The following NELL1 variants were observed in gnomAD, a reference collection of about 807,000 sequenced individuals.
The protein encoded by NELL1 is protein kinase C-binding protein NELL1.
NELL1 carries 76 observed loss-of-function variants against 107.4 expected under a neutral mutation model. That is an observed-to-expected ratio of 0.71 (90% confidence interval 0.59 to 0.86). The LOEUF (loss-of-function observed/expected upper bound fraction) is 0.86, where lower values mean the gene tolerates loss of function less well. Among genes scored for constraint, NELL1 ranks in the 40% least tolerant of loss-of-function variants. The probability of loss-of-function intolerance (pLI) is 0.00; values close to 1 mark genes in which losing one functional copy is unlikely to be tolerated. For missense variants in NELL1, 1,024 were observed against 1,005.5 expected, an observed-to-expected ratio of 1.02 and a Z score of -0.25; for synonymous variants, 353 against 341.2, an observed-to-expected ratio of 1.03 and a Z score of -0.38.
chr11:20,768,766 G>A (rs1354346997), intron 2 of NELL1, among the ~76,000 whole-genome samples: 1 of 152,096 alleles, frequency 6.6e-6, no homozygotes, highest in Non-Finnish European at 1.5e-5. Context: ...ACGACCCAAG[G>A]GAAGCTGAAA....
At chr11:21,273,538 A>C (rs1235000862) in intron 14 of NELL1, among the ~76,000 whole-genome samples, 2 of 152,236 alleles carry the variant, frequency 1.3e-5, no homozygotes, top group East Asian at 3.8e-4. Context: ...ATTCAAATTC[A>C]GGAAAGACAG....
intron 14 of NELL1, among the ~76,000 whole-genome samples, chr11:21,301,512 T>C (rs890709619): frequency 5.9e-5 from 9 of 152,226 alleles, no homozygotes; most frequent in Admixed American, 5.9e-4. Context: ...TGAGCATTTT[T>C]TCATGTGTCT....
At chr11:21,441,406 C>G (rs1285103196) in intron 15 of NELL1, among the ~76,000 whole-genome samples, 1 of 147,536 alleles carries the variant, frequency 6.8e-6, no homozygotes, top group Non-Finnish European at 1.5e-5. Flanking sequence ...ATGTTCCGAA[C>G]TGTCTTTTGA....
intron 7 of NELL1, among the ~76,000 whole-genome samples, chr11:20,921,494 T>G (rs1850375255): frequency 6.6e-6 from 1 of 152,070 alleles, no homozygotes; most frequent in African/African-American, 2.4e-5. Context: ...GAAAGTTGAA[T>G]CATGGCTGAG....
chr11:21,347,284 A>G (rs1043142748), intron 14 of NELL1, among the ~76,000 whole-genome samples: 1 of 152,106 alleles, frequency 6.6e-6, no homozygotes, highest in Non-Finnish European at 1.5e-5. Flanking sequence ...TAAAGTGGAA[A>G]AGAGTTTGGC....
At chr11:21,015,202 A>G (rs1435161572) in intron 12 of NELL1, among the ~76,000 whole-genome samples, 1 of 152,066 alleles carries the variant, frequency 6.6e-6, no homozygotes, top group Non-Finnish European at 1.5e-5. Context: ...TGATGAATAT[A>G]TTAGTTTCAT....
At chr11:20,779,278 A>G (rs1162251204) in intron 2 of NELL1, among the ~76,000 whole-genome samples, 1 of 152,226 alleles carries the variant, frequency 6.6e-6, no homozygotes, top group Non-Finnish European at 1.5e-5. Context: ...CATGATACGC[A>G]CATTATGACT....
chr11:21,349,138 T>G (rs1270079055), intron 14 of NELL1, among the ~76,000 whole-genome samples: 1 of 152,038 alleles, frequency 6.6e-6, no homozygotes, highest in Non-Finnish European at 1.5e-5. Flanking sequence ...CTACAACTCT[T>G]GGGTGAATGG....
chr11:21,518,119 T>G (rs1855618691), intron 15 of NELL1, among the ~76,000 whole-genome samples: 1 of 138,858 alleles, frequency 7.2e-6, no homozygotes, highest in South Asian at 2.5e-4. Context: ...TCATCTTAAT[T>G]TCTTCCCCAA....
intron 14 of NELL1, among the ~76,000 whole-genome samples, chr11:21,301,960 G>T (rs544523817): frequency 6.6e-6 from 1 of 152,136 alleles, no homozygotes; most frequent in African/African-American, 2.4e-5. Context: ...AATATGTTCT[G>T]CAATAGGTGA....
chr11:21,326,067 T>G lies in NELL1; in HGVS notation c.1550-44786T>G, dbSNP rs11604173. Among the ~76,000 whole-genome samples, 112 of 93,216 alleles carry G rather than the reference T, an allele frequency of 1.2e-3. 1 individual carries two copies. Among genetic ancestry groups the G allele is most frequent in the Non-Finnish European group, 2.0e-3 (90 of 44,562 alleles). 61.2% of individuals were successfully genotyped at this position (93,216 alleles called of 152,430 possible). ...AATCCTAGTTTTTTTTTTTTTTTTT[T>G]TTTTTTTTTTTTTTGGGCTATTTTG... On this transcript the variant is annotated intron_variant, in intron 14 of 19. Coordinates refer to ENST00000357134, the MANE Select transcript of NELL1 (RefSeq NM_006157.5).
intron 1 of NELL1, among the ~76,000 whole-genome samples, chr11:20,677,656 C>A (rs1197747023): frequency 2.0e-5 from 3 of 152,050 alleles, no homozygotes; most frequent in Admixed American, 2.0e-4. Flanking sequence ...ACACATGGCA[C>A]CTTCTGAATT....
At chr11:20,885,229 C>T (rs1849484198) in intron 4 of NELL1, among the ~76,000 whole-genome samples, 1 of 152,170 alleles carries the variant, frequency 6.6e-6, no homozygotes, top group Non-Finnish European at 1.5e-5. Flanking sequence ...CTTCTTCCTC[C>T]CTCCCCTGCC....
At chr11:21,151,008 T>C (rs1856102566) in intron 13 of NELL1, among the ~76,000 whole-genome samples, 1 of 152,074 alleles carries the variant, frequency 6.6e-6, no homozygotes, top group African/African-American at 2.4e-5. Flanking sequence ...CCAGATCTCA[T>C]GAGAACTCAC....
At chr11:20,868,529 A>C (rs1235446845) in intron 4 of NELL1, among the ~76,000 whole-genome samples, 2 of 152,166 alleles carry the variant, frequency 1.3e-5, no homozygotes, top group Non-Finnish European at 2.9e-5. Context: ...AAATGGTGAA[A>C]TGGTAATTTT....
At chr11:21,346,359 C>A (rs1850682582) in intron 14 of NELL1, among the ~76,000 whole-genome samples, 1 of 151,912 alleles carries the variant, frequency 6.6e-6, no homozygotes, top group South Asian at 2.1e-4. Flanking sequence ...AGAAAAAATT[C>A]TCTTTGAATT....
intron 3 of NELL1, among the ~76,000 whole-genome samples, chr11:20,796,991 G>T (rs775790670): frequency 5.9e-5 from 9 of 152,188 alleles, no homozygotes; most frequent in Non-Finnish European, 1.0e-4. Context: ...TGCATTAAAA[G>T]AACTGAAGAA....
intron 12 of NELL1, among the ~76,000 whole-genome samples, chr11:21,085,990 C>T (rs1191939172): frequency 3.9e-5 from 6 of 152,158 alleles, no homozygotes; most frequent in Admixed American, 3.3e-4. Flanking sequence ...TTTTCACACC[C>T]GTGAGCTTCT....
At chr11:20,863,836 G>C (rs934338206) in intron 4 of NELL1, among the ~76,000 whole-genome samples, 1 of 152,212 alleles carries the variant, frequency 6.6e-6, no homozygotes. Flanking sequence ...CTGAGTGAAC[G>C]AGACTCCGTC....
Sources: allele counts gnomAD v4.1 joint callset (sites outside exome capture counted in the v4.1 genomes callset), GRCh38; gene constraint gnomAD v4.1.1; transcripts MANE v1.5; gene names NCBI Gene and HGNC (gene_info 2026-07-23, HGNC 2026-07-21).